The following POR variants were observed in gnomAD, a reference collection of about 807,000 sequenced individuals.
POR encodes the protein cytochrome p450 oxidoreductase, also known as NADPH--cytochrome P450 reductase.
In POR, 56 loss-of-function variants were observed where a neutral mutation model predicts 84.0. The observed-to-expected ratio is 0.67, with a 90% confidence interval of 0.54 to 0.83. The LOEUF (loss-of-function observed/expected upper bound fraction) is 0.83. Ranked by LOEUF, POR falls within the 40% of genes least tolerant of loss-of-function variation. The probability of loss-of-function intolerance (pLI) is 0.00; values close to 1 mark genes in which losing one functional copy is unlikely to be tolerated. For synonymous variants in POR, 414 were observed against 400.5 expected (o/e 1.03, Z -0.40); for missense variants, 938 against 944.3 (o/e 0.99, Z 0.09).
chr7:75,945,708 T>C (rs142311226), intron 1 of POR, among the ~76,000 whole-genome samples: 11 of 152,276 alleles, frequency 7.2e-5, no homozygotes, highest in Non-Finnish European at 1.5e-4. Context: ...GCCAGAGCCT[T>C]GTCTAGGTGG....
intron 1 of POR, among the ~76,000 whole-genome samples, chr7:75,925,538 A>C (rs1215608561): frequency 6.6e-6 from 1 of 152,118 alleles, no homozygotes; most frequent in Non-Finnish European, 1.5e-5. Context: ...AATTTTTTTT[A>C]AAAAGTGCTT....
chr7:75,916,498 C>A (rs1806576085), intron 1 of POR, among the ~76,000 whole-genome samples: 1 of 152,114 alleles, frequency 6.6e-6, no homozygotes, highest in African/African-American at 2.4e-5. Context: ...GGGAGGAGGG[C>A]TGTTTTAGGA....
At position 75,986,250 on chromosome 7, in the gene POR, G is replaced by T. The variant is rs782024811; in HGVS notation, c.1898+9G>T. On this transcript the variant is annotated intron_variant, in intron 15 of 15. Transcript: ENST00000461988. The stretch of plus-strand genomic sequence containing the variant: ...CACATCTACGTCTGTGGGTGAGTGA[G>T]TGGGGTCACTGGAATAGGGGGCAGG... 18 of 1,612,678 alleles carry T rather than the reference G, an allele frequency of 1.1e-5. No individual in the cohort carries two copies. The highest frequency in any genetic ancestry group is 1.5e-5 in the Non-Finnish European group (18 of 1,179,812).
intron 1 of POR, among the ~76,000 whole-genome samples, chr7:75,925,843 A>T (rs1383811390): frequency 1.3e-5 from 2 of 151,950 alleles, no homozygotes; most frequent in Admixed American, 1.3e-4. Context: ...GTTCTTTGGG[A>T]GGTGTGAGCA....
chr7:75,932,370 CAG>C (rs1481130526), intron 1 of POR, among the ~76,000 whole-genome samples: 2 of 151,928 alleles, frequency 1.3e-5, no homozygotes, highest in Non-Finnish European at 2.9e-5. Flanking sequence ...TTTATAGAAA[CAG>C]GGATTTGTTG....
At chr7:75,928,939 T>C (rs1164804067) in intron 1 of POR, among the ~76,000 whole-genome samples, 2 of 152,066 alleles carry the variant, frequency 1.3e-5, no homozygotes, top group African/African-American at 4.8e-5. Context: ...TAAAGGAGCA[T>C]CTTGGGTAAC....
intron 2 of POR, among the ~76,000 whole-genome samples, chr7:75,965,419 A>G (rs557075161): frequency 1.7e-3 from 252 of 152,142 alleles, no homozygotes; most frequent in Non-Finnish European, 2.1e-3. Context: ...ACGTTAGCAC[A>G]TGAGAGCTGG....
At chr7:75,919,049 A>C (rs1806722425) in intron 1 of POR, among the ~76,000 whole-genome samples, 1 of 149,576 alleles carries the variant, frequency 6.7e-6, no homozygotes, top group Non-Finnish European at 1.5e-5. Context: ...CCCAGGCTGG[A>C]GTGCAGTGGT....
chr7:75,982,134 C>G, intron 7 of POR, 90 bp from the exon 8 acceptor site: 5 of 927,418 alleles, frequency 5.4e-6, no homozygotes, highest in Non-Finnish European at 8.6e-6. Flanking sequence ...ACCCCAAAGG[C>G]CATGCACGGT....
At chr7:75,956,535 A>G (rs41295399) in intron 2 of POR, among the ~76,000 whole-genome samples, 30 of 152,334 alleles carry the variant, frequency 2.0e-4, no homozygotes, top group Non-Finnish European at 1.3e-4. Context: ...AAATGGAGGC[A>G]GTATTCCCAA....
At chr7:75,961,906 C>T (rs183525652) in intron 2 of POR, among the ~76,000 whole-genome samples, 173 of 152,078 alleles carry the variant, frequency 1.1e-3, no homozygotes, top group African/African-American at 3.9e-3. Flanking sequence ...CCCAGTTACT[C>T]AGAAGGCTGA....
chr7:75,927,355 T>TGGGGCTTGGTGGTG (rs1248044700), intron 1 of POR, among the ~76,000 whole-genome samples: 3 of 151,394 alleles, frequency 2.0e-5, no homozygotes, highest in Non-Finnish European at 4.4e-5. Flanking sequence ...AAAAAATTAA[T>TGGGGCTTGGTGGTG]GGGGCTTGGT....
intron 2 of POR, among the ~76,000 whole-genome samples, chr7:75,959,055 A>C (rs1242962357): frequency 6.6e-6 from 1 of 152,148 alleles, no homozygotes; most frequent in Non-Finnish European, 1.5e-5. Context: ...TAGATTAGGG[A>C]CATTCAGCCT....
intron 1 of POR, among the ~76,000 whole-genome samples, chr7:75,944,158 G>T (rs1168775558): frequency 6.6e-6 from 1 of 152,096 alleles, no homozygotes; most frequent in Non-Finnish European, 1.5e-5. Context: ...GGCCCAGGAG[G>T]GAGACTGAAT....
At chr7:75,952,452 C>T (rs1200386443) in intron 1 of POR, among the ~76,000 whole-genome samples, 23 of 141,116 alleles carry the variant, frequency 1.6e-4, no homozygotes, top group African/African-American at 4.5e-4. Flanking sequence ...AGCGGCTGGC[C>T]GGGCGGGGGC....
rs1788337503 is a variant in POR, at chr7:75,969,488, T to C, written c.189-2925T>C. On this transcript the variant is annotated intron_variant, in intron 2 of 15. Coordinates refer to ENST00000461988, the MANE Select transcript of POR (RefSeq NM_000941.3). Reference sequence around the variant, plus strand: ...TCTCGTTCTAGTCTCATGCCCTCGGTGCCTGGCGCAGTGCCTCCCGTGCCC... The same window carrying C: ...TCTCGTTCTAGTCTCATGCCCTCGGCGCCTGGCGCAGTGCCTCCCGTGCCC... Among the ~76,000 whole-genome samples, 9 of 152,186 alleles carry C rather than the reference T, an allele frequency of 5.9e-5. No homozygotes were observed. The South Asian group carries it at 1.9e-3, about 31-fold the overall frequency.
At chr7:75,979,636 GGTCTGTAGGGCGCCC>G in intron 4 of POR, 57 bp downstream of exon 4, 1 of 1,594,032 alleles carries the variant, frequency 6.3e-7, no homozygotes, top group Non-Finnish European at 8.5e-7. Context: ...ACAGGGAGCA[GGTCTGTAGGGCGCCC>G]CTCAGCAGGG....
chr7:75,951,459 A>G (rs540628794), intron 1 of POR, among the ~76,000 whole-genome samples: 1 of 152,330 alleles, frequency 6.6e-6, no homozygotes, highest in African/African-American at 2.4e-5. Flanking sequence ...TTGGAAAAGC[A>G]GCTCAGATTA....
chr7:75,943,872 T>G (rs782154229), intron 1 of POR: 3 of 510,798 alleles, frequency 5.9e-6, no homozygotes, highest in South Asian at 1.4e-5. Context: ...TCCAAAGGGC[T>G]GCGCGTCTCC....
Sources: allele counts gnomAD v4.1 joint callset (sites outside exome capture counted in the v4.1 genomes callset), GRCh38; gene constraint gnomAD v4.1.1; transcripts MANE v1.5; gene names NCBI Gene and HGNC (gene_info 2026-07-23, HGNC 2026-07-21).